The following SDK1 variants were observed in gnomAD, a reference collection of about 807,000 sequenced individuals.
SDK1 encodes protein sidekick-1.
In SDK1, 157 loss-of-function variants were observed where a neutral mutation model predicts 245.5. The observed-to-expected ratio is 0.64, with a 90% CI of 0.56 to 0.73. The LOEUF (loss-of-function observed/expected upper bound fraction) is 0.73, where lower values mean the gene tolerates loss of function less well. Among genes scored for constraint, SDK1 ranks in the 30% least tolerant of loss-of-function variants. The pLI is 0.00. For missense variants in SDK1, 3,583 were observed against 3,002.3 expected, an observed-to-expected ratio of 1.19 and a Z score of -4.52; for synonymous variants, 1,647 against 1,278.5, an observed-to-expected ratio of 1.29 and a Z score of -6.15.
rs79544680 is a variant in SDK1 at position 3,903,149 on chromosome 7, G to GTTTT, written c.848-47764_848-47761dup. ...TGTTTGTGGTTTTGTTTTTTGTTTTGTTTTTTTTTTTTTGAGACAGACGAG... is the reference window on the plus strand; with the variant it reads ...TGTTTGTGGTTTTGTTTTTTGTTTTGTTTTTTTTTTTTTTTTTGAGACAGACGAG... On this transcript the variant is annotated intron_variant, in intron 5 of 44. Transcript: ENST00000404826. Among the ~76,000 whole-genome samples the GTTTT allele has an allele frequency of 1.6e-3, 225 of 142,386 alleles. 1 individual carries two copies. Among genetic ancestry groups the GTTTT allele is most frequent in the African/African-American group, 5.5e-3 (212 of 38,668 alleles). The allele number at this position is 142,386 out of a possible 152,430, so 93.4% of individuals were successfully genotyped here. A position where few individuals can be genotyped will look rare whatever the true frequency, so the allele number is the denominator to read the frequency against.
In SDK1 at chr7:3,360,828, G is replaced by A. The variant is rs113081418; in HGVS notation, c.298+58944G>A. Among the ~76,000 whole-genome samples the A allele has an allele frequency of 3.2e-4, 48 of 152,244 alleles. 5 individuals are homozygous for A. The highest frequency in any genetic ancestry group is 8.7e-4 in the African/African-American group (36 of 41,522). The stretch of plus-strand genomic sequence containing the variant: ...TCTGTTATGTAATTGTGAGTGCTGG[G>A]AGATAGTGGGGGGAGTTATAATTTA... On this transcript the variant is annotated intron_variant, in intron 1 of 44. Coordinates refer to ENST00000404826, the MANE Select transcript of SDK1 (RefSeq NM_152744.4).
intron 4 of SDK1, among the ~76,000 whole-genome samples, chr7:3,735,162 T>G (rs1779284416): frequency 6.6e-6 from 1 of 151,576 alleles, no homozygotes; most frequent in African/African-American, 2.4e-5. Context: ...AAAAAAAAAA[T>G]TAATTGTGGT....
intron 1 of SDK1, among the ~76,000 whole-genome samples, chr7:3,437,265 A>G (rs924065122): frequency 1.3e-5 from 2 of 152,190 alleles, no homozygotes; most frequent in African/African-American, 4.8e-5. Flanking sequence ...AAAAAGTCTT[A>G]TAACATTGTT....
In SDK1 at chr7:3,821,503, C is replaced by G; in HGVS notation, c.767C>G (p.Ala256Gly). 2 of 1,613,660 alleles carry G rather than the reference C, an allele frequency of 1.2e-6. No homozygotes were observed. The highest frequency in any genetic ancestry group is 1.7e-5 in the Admixed American group (1 of 59,984). ...ATCCTCGCCACCACAACCAGTGATG[C>G]CGGGGCATACTACGTGCAGGCCGTG... ...LVILATTTSD[A>G]GAYYVQAVNE... is the part of the protein sequence containing the mutation. Residue 256 changes from alanine (A) to glycine (G), a missense_variant, in exon 5 of 45, where the codon GCC (alanine) becomes GGC (glycine). Physicochemically the swap from Ala to Gly is moderately conservative, Grantham distance 60. Coordinates refer to ENST00000404826, the MANE Select transcript of SDK1 (RefSeq NM_152744.4).
In SDK1 at chr7:3,546,039, C is replaced by T. The variant is rs182634192; in HGVS notation, c.299-73041C>T. Among the ~76,000 whole-genome samples, 198 of 152,262 alleles carry T rather than the reference C, an allele frequency of 1.3e-3. 1 individual carries two copies. Among genetic ancestry groups the T allele is most frequent in the Non-Finnish European group, 1.5e-3 (102 of 68,022 alleles). Reference sequence around the variant, plus strand: ...ATTATGAAATTGCTGAAAATAATTACACAAGTGATATAACTTTTAATCGTT... The same window carrying T: ...ATTATGAAATTGCTGAAAATAATTATACAAGTGATATAACTTTTAATCGTT... On this transcript the variant is annotated intron_variant, in intron 1 of 44. Transcript: ENST00000404826.
At chr7:3,591,782 A>G (rs1254106997) in intron 1 of SDK1, among the ~76,000 whole-genome samples, 1 of 152,224 alleles carries the variant, frequency 6.6e-6, no homozygotes, top group Admixed American at 6.5e-5. Context: ...CATTTTAAAC[A>G]TGAAGCTCAT....
chr7:3,328,760 A>G (rs1173877884), intron 1 of SDK1, among the ~76,000 whole-genome samples: 4 of 151,996 alleles, frequency 2.6e-5, no homozygotes, highest in Non-Finnish European at 4.4e-5. Flanking sequence ...ACATAGATCT[A>G]TTCTCCTTTT....
chr7:3,413,281 G>C (rs1165548632), intron 1 of SDK1, among the ~76,000 whole-genome samples: 1 of 152,144 alleles, frequency 6.6e-6, no homozygotes. Flanking sequence ...CATGAGCAGA[G>C]GGGAGCAGGG....
intron 4 of SDK1, among the ~76,000 whole-genome samples, chr7:3,690,972 A>G (rs1436830218): frequency 6.6e-6 from 1 of 152,234 alleles, no homozygotes; most frequent in African/African-American, 2.4e-5. Context: ...GTGACCTTCT[A>G]GAATTACTCA....
chr7:4,161,350 C>T (rs1231693114), intron 31 of SDK1, among the ~76,000 whole-genome samples: 1 of 152,140 alleles, frequency 6.6e-6, no homozygotes, highest in Non-Finnish European at 1.5e-5. Context: ...TTTAGTGTTT[C>T]AAACCAAGTG....
chr7:3,411,552 G>C (rs138112038), intron 1 of SDK1, among the ~76,000 whole-genome samples: 10 of 152,200 alleles, frequency 6.6e-5, no homozygotes, highest in Admixed American at 6.5e-5. Flanking sequence ...CTTAATTAGA[G>C]ATCAGTTACA....
intron 1 of SDK1, among the ~76,000 whole-genome samples, chr7:3,493,402 A>G (rs1781923384): frequency 6.6e-6 from 1 of 152,210 alleles, no homozygotes; most frequent in South Asian, 2.1e-4. Context: ...TGTATTCATC[A>G]GATTTTAATG....
chr7:3,460,340 T>C (rs1401861935), intron 1 of SDK1, among the ~76,000 whole-genome samples: 2 of 152,234 alleles, frequency 1.3e-5, no homozygotes, highest in Admixed American at 6.5e-5. Context: ...TACTGAATTA[T>C]TAACTTTTAG....
At chr7:3,507,085 T>A (rs895920095) in intron 1 of SDK1, among the ~76,000 whole-genome samples, 1 of 152,204 alleles carries the variant, frequency 6.6e-6, no homozygotes, top group African/African-American at 2.4e-5. Context: ...ATATGGTTTG[T>A]TTAGCCCTAA....
chr7:3,450,803 C>T (rs1408300247), intron 1 of SDK1, among the ~76,000 whole-genome samples: 5 of 151,844 alleles, frequency 3.3e-5, no homozygotes. Flanking sequence ...GGAATAATTG[C>T]ATGAAGAGAG....
chr7:3,613,789 G>A (rs909299778), intron 1 of SDK1, among the ~76,000 whole-genome samples: 15 of 151,818 alleles, frequency 9.9e-5, no homozygotes, highest in South Asian at 8.3e-4. Flanking sequence ...GGAATACTAC[G>A]CAGCCATAAA....
chr7:3,855,152 A>G (rs1389787209), intron 5 of SDK1, among the ~76,000 whole-genome samples: 1 of 152,168 alleles, frequency 6.6e-6, no homozygotes, highest in African/African-American at 2.4e-5. Flanking sequence ...AAGATGATCT[A>G]GATAAGATCC....
intron 4 of SDK1, among the ~76,000 whole-genome samples, chr7:3,701,477 G>C (rs1022925180): frequency 2.0e-5 from 3 of 152,196 alleles, no homozygotes; most frequent in African/African-American, 7.2e-5. Context: ...GCACGTGCCT[G>C]TAGTCCCAGC....
intron 4 of SDK1, among the ~76,000 whole-genome samples, chr7:3,712,179 A>G (rs1785068883): frequency 6.6e-6 from 1 of 152,118 alleles, no homozygotes; most frequent in African/African-American, 2.4e-5. Context: ...TCTCATCTGT[A>G]TTTACAGCCA....
Sources: gnomAD v4.1 joint callset for allele counts (sites outside exome capture counted in the v4.1 genomes callset) on GRCh38, gnomAD v4.1.1 for gene constraint, MANE v1.5 for transcripts, NCBI Gene and HGNC (gene_info 2026-07-23, HGNC 2026-07-21) for gene names.